The following CNTNAP5 variants were observed in gnomAD, a reference collection of about 807,000 sequenced individuals.
CNTNAP5 encodes contactin associated protein family member 5.
In CNTNAP5, 72 loss-of-function variants were observed where a neutral mutation model predicts 150.2. That is an observed-to-expected ratio of 0.48 (90% confidence interval 0.40 to 0.58). The LOEUF (loss-of-function observed/expected upper bound fraction) is 0.58, where lower values mean the gene tolerates loss of function less well. Ranked by LOEUF, CNTNAP5 falls within the 20% of genes least tolerant of loss-of-function variation. The pLI is 0.00. For missense variants in CNTNAP5, 1,636 were observed against 1,626.2 expected, an observed-to-expected ratio of 1.01 and a Z score of -0.10; for synonymous variants, 672 against 619.8, an observed-to-expected ratio of 1.08 and a Z score of -1.25.
Position 124,242,703 on chromosome 2 carries a change from C to T in CNTNAP5, c.381+310C>T, listed in dbSNP as rs118124336. Among the ~76,000 whole-genome samples, 100 of 152,116 alleles carry T rather than the reference C, an allele frequency of 6.6e-4. 1 individual carries two copies. The East Asian group carries it at 0.017, about 26-fold the overall frequency. On this transcript the variant is annotated intron_variant, in intron 3 of 23. Coordinates refer to ENST00000682447, the MANE Select transcript of CNTNAP5 (RefSeq NM_001367498.1). Reference sequence around the variant, plus strand: ...AAACAGATAAATGTACCAAAAAGTACGATTATTAATGTGATTATACTAATT... The same window carrying T: ...AAACAGATAAATGTACCAAAAAGTATGATTATTAATGTGATTATACTAATT...
intron 4 of CNTNAP5, among the ~76,000 whole-genome samples, chr2:124,422,835 C>A (rs1176693316): frequency 1.3e-5 from 2 of 152,072 alleles, no homozygotes; most frequent in Admixed American, 1.3e-4. Context: ...TTTAACATAC[C>A]TACTCTGGCT....
intron 13 of CNTNAP5, among the ~76,000 whole-genome samples, chr2:124,681,606 C>T (rs1042308728): frequency 2.0e-5 from 3 of 152,174 alleles, no homozygotes; most frequent in Non-Finnish European, 4.4e-5. Flanking sequence ...CACTGTCGCT[C>T]AGGCCGGAGT....
In CNTNAP5 at chr2:124,637,131, G is replaced by C. The variant is rs13423190; in HGVS notation, c.1877-10627G>C. ...ATAGTCCATGCACCAAGAATCCAAA[G>C]TCCTACAATGTGTTTTATAGCAGTG... On this transcript the variant is annotated intron_variant, in intron 12 of 23. Transcript: ENST00000682447. Among the ~76,000 whole-genome samples the C allele has an allele frequency of 2.0e-5, 3 of 152,058 alleles. No individual in the cohort carries two copies. In the South Asian group the frequency reaches 6.2e-4, roughly 32 times the overall value.
At chr2:124,594,102 T>C (rs1696765553) in intron 11 of CNTNAP5, among the ~76,000 whole-genome samples, 2 of 126,156 alleles carry the variant, frequency 1.6e-5, no homozygotes, top group Non-Finnish European at 3.3e-5. Flanking sequence ...TTCACTCTGA[T>C]GGTAGTTTCT....
chr2:124,590,302 A>G (rs1696650897), intron 11 of CNTNAP5, among the ~76,000 whole-genome samples: 1 of 152,202 alleles, frequency 6.6e-6, no homozygotes, highest in African/African-American at 2.4e-5. Flanking sequence ...AACCTGTAGC[A>G]ACCACTAATC....
intron 20 of CNTNAP5, among the ~76,000 whole-genome samples, chr2:124,867,388 C>T (rs924104445): frequency 6.6e-6 from 1 of 152,080 alleles, no homozygotes; most frequent in African/African-American, 2.4e-5. Flanking sequence ...ATACCCATAC[C>T]GAAAAGGTAT....
rs758725424 is a variant in CNTNAP5 at position 124,312,559 on chromosome 2, ATTTGTTTGTTTGTTTG to A, written c.381+70178_381+70193del. Among the ~76,000 whole-genome samples, 13 of 144,760 alleles carry A rather than the reference ATTTGTTTGTTTGTTTG, an allele frequency of 9.0e-5. No individual in the cohort carries two copies. In the South Asian group the frequency reaches 2.9e-3, roughly 32 times the overall value. 95.0% of individuals were successfully genotyped at this position (144,760 alleles called of 152,430 possible). A position where few individuals can be genotyped will look rare whatever the true frequency, so the allele number is the denominator to read the frequency against. ...TTTGTGGGGGTTTTTTTGTTTGTTT[ATTTGTTTGTTTGTTTG>A]TTTGTTTGTTTTTGAGACGGAGTCT... On this transcript the variant is annotated intron_variant, in intron 3 of 23. Coordinates refer to ENST00000682447, the MANE Select transcript of CNTNAP5 (RefSeq NM_001367498.1).
At chr2:124,706,869 G>A (rs1679665270) in intron 13 of CNTNAP5, among the ~76,000 whole-genome samples, 3 of 10,412 alleles carry the variant, frequency 2.9e-4, no homozygotes, top group African/African-American at 4.9e-4. Context: ...AAGGAGAAGG[G>A]GAAAGGGAAG....
intron 1 of CNTNAP5, among the ~76,000 whole-genome samples, chr2:124,167,901 G>T (rs934503940): frequency 6.6e-6 from 1 of 152,108 alleles, no homozygotes; most frequent in Admixed American, 6.6e-5. Flanking sequence ...AAGGGAGGGA[G>T]TACCAGAGGA....
chr2:124,631,447 C>A (rs1351712663), intron 12 of CNTNAP5, among the ~76,000 whole-genome samples: 1 of 152,126 alleles, frequency 6.6e-6, no homozygotes, highest in African/African-American at 2.4e-5. Context: ...TCATCTTTGA[C>A]AAACCTCACA....
intron 6 of CNTNAP5, among the ~76,000 whole-genome samples, chr2:124,459,891 C>A (rs1422318997): frequency 6.6e-6 from 1 of 151,652 alleles, no homozygotes; most frequent in African/African-American, 2.4e-5. Context: ...AATGGCTATT[C>A]TTTGCTTAGC....
chr2:124,052,031 G>A (rs1421020075), intron 1 of CNTNAP5, among the ~76,000 whole-genome samples: 1 of 152,094 alleles, frequency 6.6e-6, no homozygotes, highest in East Asian at 1.9e-4. Flanking sequence ...GAAAATACAA[G>A]CCAACTTTTT....
chr2:124,659,138 A>G (rs1678520694), intron 13 of CNTNAP5, among the ~76,000 whole-genome samples: 2 of 152,256 alleles, frequency 1.3e-5, no homozygotes, highest in African/African-American at 4.8e-5. Flanking sequence ...TCATTGGAAG[A>G]ATAAAAAGTG....
chr2:124,911,359 G>A (rs1207844648), intron 22 of CNTNAP5, 108 bp from the exon 23 acceptor site: 2 of 745,378 alleles, frequency 2.7e-6, no homozygotes, highest in Non-Finnish European at 4.7e-6. Flanking sequence ...ACTATTTGAG[G>A]GCACCTGGTG....
intron 19 of CNTNAP5, among the ~76,000 whole-genome samples, chr2:124,862,517 G>A (rs557634130): frequency 6.6e-6 from 1 of 152,294 alleles, no homozygotes; most frequent in African/African-American, 2.4e-5. Flanking sequence ...AGCCGAGGGG[G>A]TAGAGGAAGG....
At chr2:124,026,458 T>A (rs368799546) in intron 1 of CNTNAP5, among the ~76,000 whole-genome samples, 97 of 152,292 alleles carry the variant, frequency 6.4e-4, no homozygotes, top group African/African-American at 1.5e-3. Flanking sequence ...GACATTTAAT[T>A]TAATAGGCAA....
chr2:124,601,579 G>A (rs1696984397), intron 11 of CNTNAP5, among the ~76,000 whole-genome samples: 3 of 152,254 alleles, frequency 2.0e-5, no homozygotes, highest in African/African-American at 7.2e-5. Flanking sequence ...CCTATACGGA[G>A]CAAAGAAAGG....
intron 13 of CNTNAP5, among the ~76,000 whole-genome samples, chr2:124,680,560 C>T: frequency 6.6e-6 from 1 of 151,818 alleles, no homozygotes; most frequent in Non-Finnish European, 1.5e-5. Flanking sequence ...TCTTGTATAC[C>T]AAGTCCAAAA....
rs1374566490 is a variant in CNTNAP5, at chr2:124,510,259, A to ATATC, written c.1327+5706_1327+5707insCTAT. Among the ~76,000 whole-genome samples, 545 of 127,354 alleles carry ATATC rather than the reference A, an allele frequency of 4.3e-3. 13 individuals are homozygous for ATATC. Among genetic ancestry groups the ATATC allele is most frequent in the African/African-American group, 0.016 (513 of 32,696 alleles). The allele number at this position is 127,354 out of a possible 152,430, so 83.5% of individuals were successfully genotyped here. On this transcript the variant is annotated intron_variant, in intron 8 of 23. Transcript: ENST00000682447. ...TATCTATATATCTATATCTATATCT[A>ATATC]TATATCTATATATCTATATCTATAT...
Sources: allele counts gnomAD v4.1 joint callset (sites outside exome capture counted in the v4.1 genomes callset), GRCh38; gene constraint gnomAD v4.1.1; transcripts MANE v1.5; gene names NCBI Gene and HGNC (gene_info 2026-07-23, HGNC 2026-07-21).